SCAMP4: variants seen among roughly 807,000 people sequenced by gnomAD.
SCAMP4 encodes the protein secretory carrier membrane protein 4, also known as secretory carrier-associated membrane protein 4.
SCAMP4 carries 19 observed loss-of-function variants against 32.1 expected under a neutral mutation model. The ratio of observed to expected loss-of-function variants is 0.59; its 90% CI spans 0.41 to 0.87. The LOEUF (loss-of-function observed/expected upper bound fraction) is 0.87, where lower values mean the gene tolerates loss of function less well. Ranked by LOEUF, SCAMP4 falls within the 40% of genes least tolerant of loss-of-function variation. SCAMP4 has a pLI of 0.00. For synonymous variants in SCAMP4, 152 were observed against 132.7 expected, an observed-to-expected ratio of 1.15 and a Z score of -1.00; for missense variants, 302 against 309.0, an observed-to-expected ratio of 0.98 and a Z score of 0.17.
chr19:1,906,745 G>C (rs2013135482), intron 1 of SCAMP4: 1 of 152,188 alleles, frequency 6.6e-6, no homozygotes, highest in East Asian at 1.9e-4. Context: ...TACTCCCAAA[G>C]GAGGCTGAGG....
chr19:1,908,083 C>T lies in SCAMP4; in HGVS notation c.-42+2644C>T. 1 of 183,472 alleles carries T rather than the reference C, an allele frequency of 5.5e-6. No homozygotes were observed. The highest frequency in any genetic ancestry group is 9.6e-5 in the South Asian group (1 of 10,368). 11.4% of individuals were successfully genotyped at this position (183,472 alleles called of 1,614,324 possible). ...CAAGCGAGGCTGTGTTTGTCTTTTA[C>T]CCTGGAGACAGTGGAGTGTTTGTGG... On this transcript the variant is annotated intron_variant, in intron 1 of 6. Transcript: ENST00000316097. This position sits in a 1 kb window ranked among gnomAD's most constrained non-coding sequence, Gnocchi z 4.2.
chr19:1,919,390 C>T (rs1243023173), intron 5 of SCAMP4: 1 of 985,286 alleles, frequency 1.0e-6, no homozygotes, highest in Non-Finnish European at 1.2e-6. Context: ...ACACACATAC[C>T]TGGTGCTGTT....
intron 6 of SCAMP4, 72 bp from the exon 7 acceptor site, chr19:1,924,036 A>G (rs574267479): frequency 3.5e-5 from 46 of 1,299,672 alleles, no homozygotes; most frequent in Admixed American, 6.2e-5. Context: ...CTGGGATGAC[A>G]GGCGTGAGTC....
intron 1 of SCAMP4, chr19:1,913,254 TC>T (rs2013596693): frequency 1.4e-5 from 20 of 1,424,510 alleles, no homozygotes; most frequent in Non-Finnish European, 1.9e-5. Flanking sequence ...ACCGTGGATT[TC>T]AGGGACACAT....
rs929150712 is a variant in SCAMP4, at chr19:1,908,059, A to G, written c.-42+2620A>G. On this transcript the variant is annotated intron_variant, in intron 1 of 6. Coordinates refer to ENST00000316097, the MANE Select transcript of SCAMP4 (RefSeq NM_079834.4). The surrounding 1 kb of genome is among the most constrained non-coding windows in gnomAD (Gnocchi z 4.2). ...ACAGAGGTTGTACTCTTGGAGGGAC[A>G]AGCGAGGCTGTGTTTGTCTTTTACC... 1.2e-5 allele frequency: 2 copies of G among 172,372 alleles called. No homozygotes were observed. The highest frequency in any genetic ancestry group is 1.2e-5 in the Non-Finnish European group (1 of 80,746). 10.7% of individuals were successfully genotyped at this position (172,372 alleles called of 1,614,324 possible).
chr19:1,915,854 G>A (rs2013714544), intron 2 of SCAMP4, among the ~76,000 whole-genome samples: 1 of 152,130 alleles, frequency 6.6e-6, no homozygotes, highest in Non-Finnish European at 1.5e-5. Context: ...GCTGAGGCAG[G>A]AGAATGGTGT....
At chr19:1,917,881 A>C in intron 3 of SCAMP4, 59 bp downstream of exon 3, 2 of 1,602,654 alleles carry the variant, frequency 1.2e-6, no homozygotes, top group Admixed American at 1.7e-5. Context: ...CGAGGGAGGG[A>C]GTGGCATTCA....
At chr19:1,916,291 C>T (rs1360617158) in intron 2 of SCAMP4, among the ~76,000 whole-genome samples, 1 of 151,304 alleles carries the variant, frequency 6.6e-6, no homozygotes, top group African/African-American at 2.4e-5. Flanking sequence ...GAGATGGAGG[C>T]AGAGGCCAGA....
chr19:1,917,872 G>A (rs759859357), intron 3 of SCAMP4, 50 bp downstream of exon 3: 17 of 1,607,304 alleles, frequency 1.1e-5, no homozygotes, highest in African/African-American at 2.7e-5. Flanking sequence ...AGGGCTCCCC[G>A]AGGGAGGGAG....
chr19:1,919,030 C>T (rs763227959), intron 5 of SCAMP4, 40 bp downstream of exon 5: 262 of 1,571,798 alleles, frequency 1.7e-4, no homozygotes, highest in Non-Finnish European at 2.2e-4. Flanking sequence ...TGTGATGTGG[C>T]TCAGCTGCCA....
chr19:1,909,292 T>C (rs2013308909), intron 1 of SCAMP4, among the ~76,000 whole-genome samples: 1 of 152,128 alleles, frequency 6.6e-6, no homozygotes, highest in Non-Finnish European at 1.5e-5. Flanking sequence ...CCCAGGGCCC[T>C]GTGAGCAGTC....
chr19:1,919,157 G>GC (rs2013836230), intron 5 of SCAMP4, 167 bp downstream of exon 5: 2 of 1,442,614 alleles, frequency 1.4e-6, no homozygotes, highest in East Asian at 5.1e-5. Context: ...CCTCGCCAGC[G>GC]CCCGCGTCCT....
chr19:1,918,348 C>G, intron 4 of SCAMP4, 65 bp downstream of exon 4: 1 of 1,454,212 alleles, frequency 6.9e-7, no homozygotes, highest in Non-Finnish European at 9.1e-7. Context: ...GCACCCCAGT[C>G]CCAGCCCAGC....
At chr19:1,907,683 C>G (rs1016396051) in intron 1 of SCAMP4, among the ~76,000 whole-genome samples, 17 of 152,156 alleles carry the variant, frequency 1.1e-4, no homozygotes, top group Non-Finnish European at 2.9e-5. Flanking sequence ...TATGCCGGTT[C>G]CCAGCCCAGG....
chr19:1,914,091 C>T (rs1472391547), intron 1 of SCAMP4, among the ~76,000 whole-genome samples: 1 of 152,132 alleles, frequency 6.6e-6, no homozygotes, highest in Non-Finnish European at 1.5e-5. Context: ...AGGTGGGAGC[C>T]GCAGAGGCGT....
At chr19:1,920,834 C>T (rs1033726827) in intron 5 of SCAMP4, 70 of 985,400 alleles carry the variant, frequency 7.1e-5, no homozygotes, top group Middle Eastern at 1.0e-3. Flanking sequence ...TTGGGTGGTC[C>T]TGAGATCCCG....
chr19:1,923,906 T>C (rs768893144), intron 6 of SCAMP4, among the ~76,000 whole-genome samples: 3 of 106,074 alleles, frequency 2.8e-5, no homozygotes, highest in Non-Finnish European at 5.1e-5. Context: ...ATGACAGGCG[T>C]GAGCCACCGT....
rs779532888 is a variant in SCAMP4 at position 1,912,398 on chromosome 19, G to A, written c.-41-2581G>A. On this transcript the variant is annotated intron_variant, in intron 1 of 6. Transcript: ENST00000316097. The stretch of plus-strand genomic sequence containing the variant: ...TGCTTTGCCTGGCTGGGCCGGCCTC[G>A]GGCCCGCGCTCGCTGGCTGAGCTCC... The A allele has an allele frequency of 1.5e-4, 227 of 1,515,734 alleles. 2 individuals carry two copies. The African/African-American group carries it at 2.8e-3, about 19-fold the overall frequency. The allele number at this position is 1,515,734 out of a possible 1,614,324, so 93.9% of individuals were successfully genotyped here. A position where few individuals can be genotyped will look rare whatever the true frequency, so the allele number is the denominator to read the frequency against.
chr19:1,918,372 C>T lies in SCAMP4; in HGVS notation c.293+89C>T, dbSNP rs1419297265. The T allele has an allele frequency of 8.9e-6, 12 of 1,351,280 alleles. No homozygotes were observed. In the Admixed American group the frequency reaches 3.2e-4, roughly 36 times the overall value. 83.7% of individuals were successfully genotyped at this position (1,351,280 alleles called of 1,614,324 possible). A position where few individuals can be genotyped will look rare whatever the true frequency, so the allele number is the denominator to read the frequency against. Reference sequence around the variant, plus strand: ...TCCCAGCCCAGCTGTGAGGAGCTGTCCCTTTCTCTGCCCAGTGTGAAAGAC... The same window carrying T: ...TCCCAGCCCAGCTGTGAGGAGCTGTTCCTTTCTCTGCCCAGTGTGAAAGAC... On this transcript the variant is annotated intron_variant, in intron 4 of 6. Transcript: ENST00000316097.
Sources: gnomAD v4.1 joint callset for allele counts (sites outside exome capture counted in the v4.1 genomes callset) on GRCh38, gnomAD v4.1.1 for gene constraint, Gnocchi (gnomAD v3.1) non-coding constraint, MANE v1.5 for transcripts, NCBI Gene and HGNC (gene_info 2026-07-23, HGNC 2026-07-21) for gene names.